The following PCDHA5 variants were observed in gnomAD, a reference collection of about 807,000 sequenced individuals.
The protein encoded by PCDHA5 is protocadherin alpha-5.
In PCDHA5, 43 loss-of-function variants were observed where a neutral mutation model predicts 61.6. The observed-to-expected ratio is 0.70, with a 90% confidence interval of 0.55 to 0.90. PCDHA5 has a LOEUF of 0.90. PCDHA5 is among the 40% of genes least tolerant of loss of function. The pLI is 0.00. For missense variants in PCDHA5, 1,298 were observed against 1,222.7 expected, an observed-to-expected ratio of 1.06 and a Z score of -0.92; for synonymous variants, 627 against 543.9, an observed-to-expected ratio of 1.15 and a Z score of -2.13.
rs2150113560 is a variant in PCDHA5, at chr5:140,822,084, C to A, written c.309C>A (p.Ile103=). 4.7e-5 allele frequency: 76 copies of A among 1,614,106 alleles called. No individual in the cohort carries two copies. The highest frequency in any genetic ancestry group is 6.4e-5 in the Non-Finnish European group (75 of 1,180,058). The change falls in exon 1 of 4, where the codon ATC becomes ATA. Residue 103 remains isoleucine (I), a synonymous_variant. Coordinates refer to ENST00000529859, the MANE Select transcript of PCDHA5 (RefSeq NM_018908.3). ...GCCGGCGGAGGGCGGAGTGCAGCAT[C>A]CACCTGGAGGTGATCGTGGACAGGC... ...ELCRRRAECS[I]HLEVIVDRPL...
chr5:140,942,618 GT>G (rs1372135994), intron 1 of PCDHA5, among the ~76,000 whole-genome samples: 1 of 97,742 alleles, frequency 1.0e-5, no homozygotes, highest in African/African-American at 5.0e-5. Context: ...TTTGCCAATT[GT>G]AAAAAAAAAA....
intron 1 of PCDHA5, chr5:140,843,375 G>A: frequency 1.3e-6 from 2 of 1,596,166 alleles, no homozygotes; most frequent in Non-Finnish European, 1.7e-6. Flanking sequence ...CAGTCGGCTG[G>A]CGTTTTGGGT....
chr5:140,967,084 TC>T, intron 1 of PCDHA5: 2 of 1,613,270 alleles, frequency 1.2e-6, no homozygotes, highest in African/African-American at 2.7e-5. Flanking sequence ...AGCGCATTGA[TC>T]GGGAGGCGCT....
rs370989006 is a variant in PCDHA5, at chr5:141,009,739, C to G, written c.2613C>G (p.Pro871=). The G allele has an allele frequency of 1.2e-6, 2 of 1,614,010 alleles. No homozygotes were observed. Among genetic ancestry groups the G allele is most frequent in the Non-Finnish European group, 8.5e-7 (1 of 1,180,008 alleles). The change falls in exon 4 of 4, where the codon CCC becomes CCG. Residue 871 remains proline (P), a synonymous_variant. Transcript: ENST00000529859. ...AACAATCCGGTCCCGGTGAGTTGCCCGACAAATTCATTATCCCAGGATCTC... is the reference window on the plus strand; with the variant it reads ...AACAATCCGGTCCCGGTGAGTTGCCGGACAAATTCATTATCCCAGGATCTC... The part of the protein sequence containing the change: ...NPKQSGPGEL[P]DKFIIPGSPA...
At chr5:140,890,747 G>C (rs2062780711) in intron 1 of PCDHA5, among the ~76,000 whole-genome samples, 1 of 152,024 alleles carries the variant, frequency 6.6e-6, no homozygotes, top group African/African-American at 2.4e-5. Context: ...TACTATTTCT[G>C]TCATGCTTTA....
chr5:141,000,894 ATAGACGCT>A (rs1348330251), intron 3 of PCDHA5, among the ~76,000 whole-genome samples: 1 of 152,128 alleles, frequency 6.6e-6, no homozygotes, highest in African/African-American at 2.4e-5. Context: ...GGCAACAGAT[ATAGACGCT>A]GTCTCTAAAA....
rs138806648 is a variant in PCDHA5 at position 140,823,108 on chromosome 5, G to C, written c.1333G>C (p.Ala445Pro). Residue 445 changes from alanine (A) to proline (P), a missense_variant, in exon 1 of 4, where the codon GCC becomes CCC. Transcript: ENST00000529859. ...WATASVSVEV[A>P]DVNDNAPAFA... ...CACCGCCAGCGTGTCTGTGGAAGTG[G>C]CCGACGTGAACGACAACGCTCCGGC... 1 of 1,613,958 alleles carries C rather than the reference G, an allele frequency of 6.2e-7. No homozygotes were observed. Among genetic ancestry groups the C allele is most frequent in the African/African-American group, 1.3e-5 (1 of 74,936 alleles).
chr5:140,911,884 C>A (rs1283685498), intron 1 of PCDHA5, among the ~76,000 whole-genome samples: 1 of 152,050 alleles, frequency 6.6e-6, no homozygotes, highest in Non-Finnish European at 1.5e-5. Flanking sequence ...CTCCTGGGAC[C>A]AAAATCTGTA....
At chr5:140,978,827 G>T (rs2096825118) in intron 1 of PCDHA5, 122 bp from the exon 2 acceptor site, 2 of 1,528,744 alleles carry the variant, frequency 1.3e-6, no homozygotes, top group Admixed American at 2.0e-5. Flanking sequence ...ACATGAAATG[G>T]CTCATTCAAT....
At chr5:140,848,355 C>A in intron 1 of PCDHA5, 1 of 1,031,242 alleles carries the variant, frequency 9.7e-7, no homozygotes, top group Non-Finnish European at 1.4e-6. Context: ...GCCCTTTTCC[C>A]ATGGGAAAGA....
chr5:141,003,648 G>A lies in PCDHA5; in HGVS notation c.2501-5979G>A, dbSNP rs1314983871. On this transcript the variant is annotated intron_variant, in intron 3 of 3. Transcript: ENST00000529859. ...GTTTTTAAAGTAGAAGTGAAGATCTGTATGCATTTATTAAAATATATGTTG... is the reference window on the plus strand; with the variant it reads ...GTTTTTAAAGTAGAAGTGAAGATCTATATGCATTTATTAAAATATATGTTG... Among the ~76,000 whole-genome samples the A allele has an allele frequency of 3.3e-5, 5 of 152,226 alleles. No individual in the cohort carries two copies. In the South Asian group the frequency reaches 6.2e-4, roughly 19 times the overall value.
chr5:140,926,842 G>A (rs1388239431), intron 1 of PCDHA5: 1 of 1,514,684 alleles, frequency 6.6e-7, no homozygotes, highest in Non-Finnish European at 8.8e-7. Flanking sequence ...GCATGGTCCT[G>A]GGTCACCGTT....
intron 1 of PCDHA5, among the ~76,000 whole-genome samples, chr5:140,959,410 T>C (rs564453268): frequency 6.6e-5 from 10 of 152,300 alleles, no homozygotes; most frequent in Non-Finnish European, 1.3e-4. Flanking sequence ...AAGTGTTGAT[T>C]GATCTGAGAA....
intron 1 of PCDHA5, chr5:140,927,454 G>A: frequency 6.2e-7 from 1 of 1,614,182 alleles, no homozygotes; most frequent in Non-Finnish European, 8.5e-7. Flanking sequence ...GTTGGTGTTG[G>A]AGAAAGCACT....
rs1346870417 is a variant in PCDHA5 at position 140,982,634 on chromosome 5, TC to T, written c.2500+72del. 11 of 1,555,302 alleles carry T rather than the reference TC, an allele frequency of 7.1e-6. No homozygotes were observed. In the Admixed American group the frequency reaches 2.2e-4, roughly 30 times the overall value. ...GATCAGATGACCTACTTTTGTAAGATCAGGAATGTTGATGGCTCTTTTTCTT... is the reference window on the plus strand; with the variant it reads ...GATCAGATGACCTACTTTTGTAAGATAGGAATGTTGATGGCTCTTTTTCTT... On this transcript the variant is annotated intron_variant, in intron 3 of 3. Transcript: ENST00000529859.
At chr5:140,834,013 C>T (rs1286053645) in intron 1 of PCDHA5, among the ~76,000 whole-genome samples, 3 of 152,146 alleles carry the variant, frequency 2.0e-5, no homozygotes, top group East Asian at 1.9e-4. Context: ...TCTGGTAACA[C>T]TGAGTATTCA....
At chr5:140,904,826 TTA>T (rs1554191735) in intron 1 of PCDHA5, among the ~76,000 whole-genome samples, 2 of 152,206 alleles carry the variant, frequency 1.3e-5, no homozygotes, top group South Asian at 4.1e-4. Context: ...GAGCATTTTT[TTA>T]TATGTTTCAT....
intron 1 of PCDHA5, among the ~76,000 whole-genome samples, chr5:140,832,065 T>C (rs2150199482): frequency 1.3e-3 from 196 of 152,372 alleles, no homozygotes; most frequent in African/African-American, 4.5e-3. Flanking sequence ...CAATTTAATC[T>C]GAGATGTCTC....
At chr5:140,867,614 T>C (rs1157399169) in intron 1 of PCDHA5, 3 of 152,134 alleles carry the variant, frequency 2.0e-5, no homozygotes, top group Non-Finnish European at 2.9e-5. Context: ...ATCAAAACTA[T>C]AGAACAAAAT....
Sources: gnomAD v4.1 joint callset for allele counts (sites outside exome capture counted in the v4.1 genomes callset) on GRCh38, gnomAD v4.1.1 for gene constraint, MANE v1.5 for transcripts, NCBI Gene and HGNC (gene_info 2026-07-23, HGNC 2026-07-21) for gene names.